Variants in CTNNA2 observed in about 807,000 individuals in gnomAD.
The protein encoded by CTNNA2 is catenin alpha-2.
CTNNA2 carries 42 observed loss-of-function variants against 101.0 expected under a neutral mutation model. The observed-to-expected ratio is 0.42, with a 90% CI of 0.32 to 0.54. The LOEUF (loss-of-function observed/expected upper bound fraction) is 0.54. Among genes scored for constraint, CTNNA2 ranks in the 20% least tolerant of loss-of-function variants. The pLI, the probability that CTNNA2 is intolerant of heterozygous loss-of-function variation, is 0.14. For missense variants in CTNNA2, 871 were observed against 1,223.1 expected (o/e 0.71, Z 4.29); for synonymous variants, 450 against 456.4 (o/e 0.99, Z 0.18).
intron 1 of CTNNA2, among the ~76,000 whole-genome samples, chr2:79,613,615 CA>C (rs1678431785): frequency 6.6e-6 from 1 of 152,030 alleles, no homozygotes. Flanking sequence ...TCAACAATAA[CA>C]AAAATAATAA....
intron 2 of CTNNA2, among the ~76,000 whole-genome samples, chr2:79,280,133 C>T (rs762212996): frequency 3.9e-5 from 6 of 152,100 alleles, no homozygotes; most frequent in Non-Finnish European, 7.4e-5. Context: ...GTCAATTTGT[C>T]AAGGGATACG....
At chr2:79,600,121 G>T (rs1205792644) in intron 1 of CTNNA2, among the ~76,000 whole-genome samples, 4 of 152,078 alleles carry the variant, frequency 2.6e-5, no homozygotes, top group African/African-American at 9.7e-5. Flanking sequence ...ATAGCAGTAA[G>T]ATCTGGACCC....
chr2:79,685,696 G>A (rs1558837024), intron 2 of CTNNA2, among the ~76,000 whole-genome samples: 1 of 152,176 alleles, frequency 6.6e-6, no homozygotes, highest in Non-Finnish European at 1.5e-5. Flanking sequence ...TTGGGCAGCC[G>A]GGTAATTGGT....
intron 1 of CTNNA2, among the ~76,000 whole-genome samples, chr2:79,623,173 A>T (rs1679099848): frequency 6.6e-6 from 1 of 152,130 alleles, no homozygotes; most frequent in African/African-American, 2.4e-5. Context: ...TGTTTTAGAG[A>T]TAATAATGGT....
At position 80,591,466 on chromosome 2, in the gene CTNNA2, T is replaced by TTTTTTTTTTTTTTTTTG. The variant is rs1696499390; in HGVS notation, c.2189+1993_2189+1994insTTTTGTTTTTTTTTTTT. 1.4e-5 allele frequency among the ~76,000 whole-genome samples: 2 copies of TTTTTTTTTTTTTTTTTG among 145,920 alleles called. 1 individual carries two copies. Among genetic ancestry groups the TTTTTTTTTTTTTTTTTG allele is most frequent in the African/African-American group, 5.0e-5 (2 of 39,922 alleles). Reference sequence around the variant, plus strand: ...TCCATCTGCACAGCCTGTTTTTTTTTTTTTTTTTTTTTGCAAACAGACAGC... The same window carrying TTTTTTTTTTTTTTTTTG: ...TCCATCTGCACAGCCTGTTTTTTTTTTTTTTTTTTTTTTTTTGTTTTTTTTTTTTGCAAACAGACAGC... On this transcript the variant is annotated intron_variant, in intron 15 of 18. Transcript: ENST00000402739.
intron 2 of CTNNA2, among the ~76,000 whole-genome samples, chr2:79,232,135 C>A (rs145777198): frequency 2.0e-5 from 3 of 152,144 alleles, no homozygotes; most frequent in Non-Finnish European, 2.9e-5. Flanking sequence ...TGCCTTGTTC[C>A]AGTTCTCAAG....
chr2:79,860,504 G>A (rs1226337869), intron 4 of CTNNA2, among the ~76,000 whole-genome samples: 57 of 143,948 alleles, frequency 4.0e-4, no homozygotes, highest in African/African-American at 1.4e-3. Context: ...CTGTAATGGG[G>A]AGTCAATTGC....
intron 7 of CTNNA2, among the ~76,000 whole-genome samples, chr2:80,122,450 C>T (rs1701896031): frequency 6.6e-6 from 1 of 152,018 alleles, no homozygotes; most frequent in Admixed American, 6.6e-5. Flanking sequence ...GATTAGGAAA[C>T]ACTTCTTTAA....
At chr2:79,891,062 A>G (rs1474566311) in intron 6 of CTNNA2, among the ~76,000 whole-genome samples, 1 of 151,534 alleles carries the variant, frequency 6.6e-6, no homozygotes, top group Non-Finnish European at 1.5e-5. Context: ...GCACACAGAC[A>G]TTCAGACCAT....
chr2:79,549,215 A>T (rs1673930516), intron 1 of CTNNA2, among the ~76,000 whole-genome samples: 1 of 152,192 alleles, frequency 6.6e-6, no homozygotes, highest in South Asian at 2.1e-4. Flanking sequence ...GTTTGGCCAT[A>T]GACTGTTTTT....
intron 9 of CTNNA2, among the ~76,000 whole-genome samples, chr2:80,505,570 A>G (rs1427331070): frequency 6.6e-6 from 1 of 152,226 alleles, no homozygotes; most frequent in Non-Finnish European, 1.5e-5. Flanking sequence ...GCTATGGTTT[A>G]TATCAGCAGT....
rs546783815 is a variant in CTNNA2, at chr2:80,249,673, T to G, written c.1057-143538T>G. On this transcript the variant is annotated intron_variant, in intron 7 of 18. Coordinates refer to ENST00000402739, the MANE Select transcript of CTNNA2 (RefSeq NM_001282597.3). Reference sequence around the variant, plus strand: ...TGGATTAGGAACTCAAGTCCTGTTCTGCGGGATTCTAAGATACATATTTAA... The same window carrying G: ...TGGATTAGGAACTCAAGTCCTGTTCGGCGGGATTCTAAGATACATATTTAA... Among the ~76,000 whole-genome samples, 9 of 152,312 alleles carry G rather than the reference T, an allele frequency of 5.9e-5. 1 individual carries two copies. The South Asian group carries it at 1.9e-3, about 32-fold the overall frequency.
intron 7 of CTNNA2, among the ~76,000 whole-genome samples, chr2:80,222,966 G>A (rs1211778561): frequency 6.6e-6 from 1 of 152,118 alleles, no homozygotes; most frequent in Non-Finnish European, 1.5e-5. Context: ...CTCCTAATTT[G>A]GGGGTTATAT....
At chr2:80,547,471 A>C (rs1692177129) in intron 11 of CTNNA2, among the ~76,000 whole-genome samples, 1 of 152,126 alleles carries the variant, frequency 6.6e-6, no homozygotes, top group South Asian at 2.1e-4. Context: ...ATATGTCAAG[A>C]TAGAAAGGAA....
At chr2:80,383,126 GT>G (rs1271309343) in intron 7 of CTNNA2, among the ~76,000 whole-genome samples, 110 of 152,300 alleles carry the variant, frequency 7.2e-4, no homozygotes, top group African/African-American at 2.5e-3. Context: ...TATGAAAAAT[GT>G]CTTTTATGCA....
intron 2 of CTNNA2, among the ~76,000 whole-genome samples, chr2:79,226,763 A>G (rs1415690882): frequency 1.3e-5 from 2 of 152,152 alleles, no homozygotes; most frequent in African/African-American, 4.8e-5. Context: ...AAGAAGATTG[A>G]ATGTGAAAAT....
chr2:79,528,974 G>A (rs1308567544), intron 1 of CTNNA2, among the ~76,000 whole-genome samples: 1 of 152,148 alleles, frequency 6.6e-6, no homozygotes, highest in African/African-American at 2.4e-5. Flanking sequence ...TATATTGGAA[G>A]TTATAGGTAG....
chr2:80,134,385 C>T (rs1032342731), intron 7 of CTNNA2, among the ~76,000 whole-genome samples: 1 of 152,084 alleles, frequency 6.6e-6, no homozygotes, highest in Non-Finnish European at 1.5e-5. Flanking sequence ...TAAGTGCTGA[C>T]CCTCCCCCAA....
chr2:79,883,008 C>T (rs1044739335), intron 6 of CTNNA2, among the ~76,000 whole-genome samples: 1 of 152,336 alleles, frequency 6.6e-6, no homozygotes, highest in East Asian at 1.9e-4. Flanking sequence ...CCGTGGATCA[C>T]GCCAGCCACC....
Sources: gnomAD v4.1 joint callset for allele counts (sites outside exome capture counted in the v4.1 genomes callset) on GRCh38, gnomAD v4.1.1 for gene constraint, MANE v1.5 for transcripts, NCBI Gene and HGNC (gene_info 2026-07-23, HGNC 2026-07-21) for gene names.